RPL14: variants seen among roughly 807,000 people sequenced by gnomAD.
RPL14 encodes ribosomal protein L14, also known as large ribosomal subunit protein eL14.
A neutral mutation model predicts 25.3 loss-of-function variants in RPL14; 4 were observed. The observed-to-expected ratio is 0.16, with a 90% CI of 0.08 to 0.36. The LOEUF (loss-of-function observed/expected upper bound fraction) is 0.36, where lower values mean the gene tolerates loss of function less well. RPL14 is among the 10% of genes least tolerant of loss of function. The pLI, the probability that RPL14 is intolerant of heterozygous loss-of-function variation, is 1.00. For missense variants in RPL14, 212 were observed against 261.9 expected, an observed-to-expected ratio of 0.81 and a Z score of 1.31; for synonymous variants, 75 against 89.8, an observed-to-expected ratio of 0.84 and a Z score of 0.93.
chr3:40,458,996 G>A (rs1403924890), intron 3 of RPL14: 3 of 391,382 alleles, frequency 7.7e-6, no homozygotes, highest in East Asian at 5.0e-5. Flanking sequence ...GCAACATGGC[G>A]AAAACCCCCA....
chr3:40,457,621 GGATGGCT>G (rs954906875), intron 1 of RPL14, 147 bp downstream of exon 1: 3 of 707,948 alleles, frequency 4.2e-6, no homozygotes, highest in African/African-American at 3.6e-5. Flanking sequence ...CGCTGGAGCT[GGATGGCT>G]GATGCGGCTC....
intron 2 of RPL14, chr3:40,458,349 AATC>A: frequency 1.9e-6 from 1 of 520,612 alleles, no homozygotes. Context: ...ACTGACTATA[AATC>A]AGCAGGGATC....
chr3:40,462,786 C>T lies in RPL14; in HGVS notation c.*554C>T, dbSNP rs1030075398. 4 of 152,240 alleles carry T rather than the reference C, an allele frequency of 2.6e-5. No individual in the cohort carries two copies. Among genetic ancestry groups the T allele is most frequent in the Non-Finnish European group, 5.9e-5 (4 of 68,104 alleles). 9.4% of individuals were successfully genotyped at this position (152,240 alleles called of 1,614,324 possible). ...GAGAAATCATGATAACTTAGAACAC[C>T]AAGTGACACAAGTGACATTTTTTTC... On this transcript the variant is annotated 3_prime_UTR_variant, in exon 6 of 6. Transcript: ENST00000396203.
At chr3:40,461,212 G>A (rs1047925799) in intron 3 of RPL14, among the ~76,000 whole-genome samples, 195 bp from the exon 4 acceptor site, 1 of 151,840 alleles carries the variant, frequency 6.6e-6, no homozygotes, top group African/African-American at 2.4e-5. Flanking sequence ...AAAAGGGACT[G>A]GATTACAGTT....
At position 40,466,537 on chromosome 3, in the gene RPL14, G is replaced by C. The variant is rs565220771; in HGVS notation, c.*4305G>C. The C allele has an allele frequency of 7.6e-6, 1 of 132,390 alleles. No homozygotes were observed. Among genetic ancestry groups the C allele is most frequent in the Admixed American group, 7.8e-5 (1 of 12,828 alleles). The allele number at this position is 132,390 out of a possible 1,614,324, so 8.2% of individuals were successfully genotyped here. On this transcript the variant is annotated 3_prime_UTR_variant, in exon 6 of 6. Transcript: ENST00000396203. ...AATCAAAAAAAAAAAAAAAAAAATG[G>C]CTGATTTCAGAGTCATATTCAGGTT...
intron 3 of RPL14, among the ~76,000 whole-genome samples, chr3:40,460,544 G>T (rs1424630228): frequency 6.6e-6 from 1 of 151,484 alleles, no homozygotes; most frequent in East Asian, 1.9e-4. Context: ...AAAAAGAATG[G>T]TTTTCAACAC....
In RPL14 at chr3:40,457,424, C is replaced by T; in HGVS notation, c.-48C>T. On this transcript the variant is annotated 5_prime_UTR_variant, in exon 1 of 6. Transcript: ENST00000396203. Reference sequence around the variant, plus strand: ...CCATGCCGCTCGACCTCCACCTCCGCTGGGAAGCTGAGGCGCCAAACGGCT... The same window carrying T: ...CCATGCCGCTCGACCTCCACCTCCGTTGGGAAGCTGAGGCGCCAAACGGCT... 22 of 1,589,006 alleles carry T rather than the reference C, an allele frequency of 1.4e-5. No individual in the cohort carries two copies. Among genetic ancestry groups the T allele is most frequent in the Non-Finnish European group, 1.9e-5 (22 of 1,167,250 alleles).
In RPL14 at chr3:40,462,183, C is replaced by T. The variant is rs574705007; in HGVS notation, c.599C>T (p.Ala200Val). 7.4e-6 allele frequency: 12 copies of T among 1,610,752 alleles called. No homozygotes were observed. Among genetic ancestry groups the T allele is most frequent in the Middle Eastern group, 1.7e-4 (1 of 6,048 alleles). Residue 200 changes from alanine to valine, a missense_variant, in exon 6 of 6, where the codon GCT (alanine) becomes GTT (valine). Physicochemically the swap from Ala to Val is moderately conservative, Grantham distance 64 (BLOSUM62 0). This residue lies in a region of RPL14 where 66 missense variants were observed against 62.6 expected (regional missense o/e 1.05). Transcript: ENST00000396203. ...CCAAAAGCTCAGAAGGGTCAAAAAGCTCCAGCCCAGAAAGCACCTGCTCCA... is the reference window on the plus strand; with the variant it reads ...CCAAAAGCTCAGAAGGGTCAAAAAGTTCCAGCCCAGAAAGCACCTGCTCCA... ...PAPKAQKGQKAPAQKAPAPKA... is the reference protein window; with the variant it reads ...PAPKAQKGQKVPAQKAPAPKA...
At position 40,457,371 on chromosome 3, in the gene RPL14, T is replaced by C. The variant is rs547784554; in HGVS notation, c.-101T>C. The C allele has an allele frequency of 5.6e-6, 9 of 1,607,548 alleles. No homozygotes were observed. In the South Asian group the frequency reaches 6.6e-5, roughly 12 times the overall value. ...CCTAACGCCGCCAACATGGTGAGTC[T>C]TACTGTTGCGGGCTCCGGGGCCGTC... On this transcript the variant is annotated 5_prime_UTR_variant, in exon 1 of 6. Transcript: ENST00000396203.
Position 40,467,887 on chromosome 3 carries a change from C to T in RPL14, c.*5655C>T, listed in dbSNP as rs531879500. On this transcript the variant is annotated 3_prime_UTR_variant, in exon 6 of 6. Coordinates refer to ENST00000396203, the MANE Select transcript of RPL14 (RefSeq NM_001034996.3). ...GCTGGAGTGCAGTGGGTGGGGTGAT[C>T]TCGGCTCACTGCAACCTCTGCCTCC... The T allele has an allele frequency of 6.6e-6, 1 of 151,712 alleles. No homozygotes were observed. Among genetic ancestry groups the T allele is most frequent in the East Asian group, 1.9e-4 (1 of 5,150 alleles). The allele number at this position is 151,712 out of a possible 1,614,324, so 9.4% of individuals were successfully genotyped here.
chr3:40,462,095 A>G lies in RPL14; in HGVS notation c.511A>G (p.Lys171Glu), dbSNP rs1009632431. 3 of 1,610,054 alleles carry G rather than the reference A, an allele frequency of 1.9e-6. No individual in the cohort carries two copies. In the East Asian group the frequency reaches 6.7e-5, roughly 36 times the overall value. The part of the protein sequence containing the change: ...VPAKKITAAS[K>E]KAPAQKVPAQ... ...AGCAAAAAAGATCACCGCCGCGAGT[A>G]AAAAGGCTCCAGCCCAGAAGGTTCC... The change falls in exon 6 of 6, where the codon AAA becomes GAA. Residue 171 changes from lysine (K) to glutamate (E), a missense_variant. Physicochemically the swap from Lys to Glu is moderately conservative, Grantham distance 56. Transcript: ENST00000396203.
intron 1 of RPL14, 57 bp downstream of exon 1, chr3:40,457,531 C>A: frequency 7.2e-7 from 1 of 1,385,960 alleles, no homozygotes; most frequent in Non-Finnish European, 9.9e-7. Flanking sequence ...GACTCGCGCC[C>A]TTCCCGGACT....
At position 40,462,666 on chromosome 3, in the gene RPL14, G is replaced by A. The variant is rs745769550; in HGVS notation, c.*434G>A. 3.2e-5 allele frequency: 5 copies of A among 157,832 alleles called. No homozygotes were observed. The highest frequency in any genetic ancestry group is 3.7e-4 in the South Asian group (2 of 5,378). The allele number at this position is 157,832 out of a possible 1,614,324, so 9.8% of individuals were successfully genotyped here. On this transcript the variant is annotated 3_prime_UTR_variant, in exon 6 of 6. Coordinates refer to ENST00000396203, the MANE Select transcript of RPL14 (RefSeq NM_001034996.3). ...GCTAGGATTGCAGGCATGAGCCGCC[G>A]CGCCTGGCCTAAATAATCAGTTCTT...
At chr3:40,460,566 G>A (rs1168284466) in intron 3 of RPL14, among the ~76,000 whole-genome samples, 4 of 150,166 alleles carry the variant, frequency 2.7e-5, no homozygotes, top group South Asian at 2.1e-4. Flanking sequence ...TCCACTGCCC[G>A]AGTGGAATTA....
Position 40,464,268 on chromosome 3 carries a change from A to C in RPL14, c.*2036A>C. 1 of 357,782 alleles carries C rather than the reference A, an allele frequency of 2.8e-6. No individual in the cohort carries two copies. The highest frequency in any genetic ancestry group is 5.5e-6 in the Non-Finnish European group (1 of 182,032). 22.2% of individuals were successfully genotyped at this position (357,782 alleles called of 1,614,324 possible). The stretch of plus-strand genomic sequence containing the variant: ...AGCCACCGCTTCTGGCCAGGAATAC[A>C]TTTTAAATAAATTTGTTTCCTAACC... On this transcript the variant is annotated 3_prime_UTR_variant, in exon 6 of 6. Transcript: ENST00000396203.
At position 40,464,781 on chromosome 3, in the gene RPL14, G is replaced by C. The variant is rs1475350331; in HGVS notation, c.*2549G>C. 4.0e-6 allele frequency: 1 copy of C among 249,766 alleles called. No individual in the cohort carries two copies. The highest frequency in any genetic ancestry group is 8.2e-6 in the Non-Finnish European group (1 of 121,242). The allele number at this position is 249,766 out of a possible 1,614,324, so 15.5% of individuals were successfully genotyped here. ...CATGCATTGGACTGCAGAAATAAGG[G>C]AGAAAACAATGTGTCAGGGTTTCTG... On this transcript the variant is annotated 3_prime_UTR_variant, in exon 6 of 6. Transcript: ENST00000396203.
Position 40,463,845 on chromosome 3 carries a change from G to C in RPL14, c.*1613G>C, listed in dbSNP as rs1160751682. 3 of 152,528 alleles carry C rather than the reference G, an allele frequency of 2.0e-5. No homozygotes were observed. The highest frequency in any genetic ancestry group is 7.2e-5 in the African/African-American group (3 of 41,428). The allele number at this position is 152,528 out of a possible 1,614,324, so 9.4% of individuals were successfully genotyped here. On this transcript the variant is annotated 3_prime_UTR_variant, in exon 6 of 6. Coordinates refer to ENST00000396203, the MANE Select transcript of RPL14 (RefSeq NM_001034996.3). The stretch of plus-strand genomic sequence containing the variant: ...CTCGTCCTAAGTGTTTCAGATAAGA[G>C]ATACTTATCCTGTGTATAGTAGGTT...
Position 40,467,662 on chromosome 3 carries a change from A to G in RPL14, c.*5430A>G, listed in dbSNP as rs73080126. 37,790 of 152,120 alleles carry G rather than the reference A, an allele frequency of 0.25. 5,704 individuals are homozygous for G. Among genetic ancestry groups the G allele is most frequent in the East Asian group, 0.48 (2,460 of 5,170 alleles). The allele number at this position is 152,120 out of a possible 1,614,324, so 9.4% of individuals were successfully genotyped here. A position where few individuals can be genotyped will look rare whatever the true frequency, so the allele number is the denominator to read the frequency against. On this transcript the variant is annotated 3_prime_UTR_variant, in exon 6 of 6. Transcript: ENST00000396203. ...TAGCTGAACAATCCTTAGCCCAGTC[A>G]AGTGCACACATAACCATAACAATTC...
chr3:40,458,914 G>T, intron 3 of RPL14, 178 bp downstream of exon 3: 1 of 591,436 alleles, frequency 1.7e-6, no homozygotes. Flanking sequence ...GATAGCTCAT[G>T]CCTGTAATCC....
Sources: allele counts gnomAD v4.1 joint callset (sites outside exome capture counted in the v4.1 genomes callset), GRCh38; gene constraint gnomAD v4.1.1; regional missense constraint gnomAD v4.1.1; transcripts MANE v1.5; gene names NCBI Gene and HGNC (gene_info 2026-07-23, HGNC 2026-07-21).